Variants in ADGRL1 observed in about 807,000 individuals in gnomAD.
ADGRL1 encodes adhesion G protein-coupled receptor L1.
A neutral mutation model predicts 148.9 loss-of-function variants in ADGRL1; 31 were observed. The ratio of observed to expected loss-of-function variants is 0.21; its 90% CI spans 0.16 to 0.28. The LOEUF (loss-of-function observed/expected upper bound fraction) is 0.28. ADGRL1 is among the 10% of genes least tolerant of loss of function. The pLI, the probability that ADGRL1 is intolerant of heterozygous loss-of-function variation, is 1.00. For synonymous variants in ADGRL1, 937 were observed against 900.3 expected (o/e 1.04, Z -0.73); for missense variants, 1,521 against 2,058.8 (o/e 0.74, Z 5.05).
In ADGRL1 at chr19:14,159,377, G is replaced by T. The variant is rs920015580; in HGVS notation, c.2023+24C>A. ...TGGTTTAAGGTTCGTATCTGAGTTT[G>T]CCCTGGGTGACTGTGGCACTCACCC... is the stretch of plus-strand genomic sequence containing the variant. On this transcript the variant is annotated intron_variant, in intron 10 of 22. Transcript: ENST00000361434. The surrounding 1 kb of genome is among the most constrained non-coding windows in gnomAD (Gnocchi z 6.0). The T allele has an allele frequency of 1.9e-6, 3 of 1,591,744 alleles. No homozygotes were observed. Among genetic ancestry groups the T allele is most frequent in the Non-Finnish European group, 2.6e-6 (3 of 1,165,452 alleles).
chr19:14,167,108 G>C, intron 4 of ADGRL1: 1 of 1,267,108 alleles, frequency 7.9e-7, no homozygotes, highest in African/African-American at 1.5e-5. Flanking sequence ...AAAAAAAAGA[G>C]ATTAAATTGC....
At position 14,158,436 on chromosome 19, in the gene ADGRL1, G is replaced by C. The variant is rs764177912; in HGVS notation, c.2266C>G (p.Leu756Val). ...AGPGGPGGAS[L>V]VVNSQVIAAS... ...GCGATGACCTGTGAGTTCACCACTA[G>C]AGAGGCGCCCCCAGGGCCACCCGGG... Residue 756 changes from leucine (L) to valine (V), a missense_variant, in exon 12 of 23, where the codon CTA becomes GTA. Leu to Val is a conservative substitution (Grantham distance 32, BLOSUM62 1). Transcript: ENST00000361434. 3 of 1,613,824 alleles carry C rather than the reference G, an allele frequency of 1.9e-6. No homozygotes were observed. The highest frequency in any genetic ancestry group is 1.7e-5 in the Admixed American group (1 of 60,026).
chr19:14,186,565 C>G (rs1462610345), intron 1 of ADGRL1, among the ~76,000 whole-genome samples: 1 of 152,126 alleles, frequency 6.6e-6, no homozygotes, highest in East Asian at 1.9e-4. Context: ...AGCACAGCAC[C>G]CAGGCCCATG....
chr19:14,189,215 T>C (rs1971777591), intron 1 of ADGRL1, among the ~76,000 whole-genome samples: 4 of 135,076 alleles, frequency 3.0e-5, no homozygotes, highest in Admixed American at 3.0e-4. Context: ...CTATGTGGCC[T>C]TTTTTTTTTT....
intron 1 of ADGRL1, among the ~76,000 whole-genome samples, chr19:14,184,638 A>ATTTT (rs1293975046): frequency 0.025 from 2,978 of 120,666 alleles, 111 homozygotes; most frequent in East Asian, 0.036. Flanking sequence ...TTATTTATTT[A>ATTTT]TTTATTTATT....
chr19:14,162,910 A>G lies in ADGRL1; in HGVS notation c.891T>C (p.Phe297=). The G allele has an allele frequency of 6.2e-7, 1 of 1,613,664 alleles. No individual in the cohort carries two copies. The change falls in exon 5 of 23, where the codon TTT becomes TTC. Residue 297 remains phenylalanine, a synonymous_variant. Coordinates refer to ENST00000361434, the MANE Select transcript of ADGRL1 (RefSeq NM_014921.5). The surrounding 1 kb of genome is among the most constrained non-coding windows in gnomAD (Gnocchi z 5.4). ...CGTAACCCGTCTCCCACGTGCCCTC[A>G]AAGCGCAGTGTGTAGGGGTTCAGCT... is the stretch of plus-strand genomic sequence containing the variant. ...VSQLNPYTLR[F]EGTWETGYDK...
At position 14,191,347 on chromosome 19, in the gene ADGRL1, C is replaced by T. The variant is rs148937570; in HGVS notation, c.-95-7650G>A. 1,328 of 456,698 alleles carry T rather than the reference C, an allele frequency of 2.9e-3. 10 individuals carry two copies. Among genetic ancestry groups the T allele is most frequent in the African/African-American group, 0.024 (1,225 of 50,182 alleles). The allele number at this position is 456,698 out of a possible 1,614,324, so 28.3% of individuals were successfully genotyped here. A position where few individuals can be genotyped will look rare whatever the true frequency, so the allele number is the denominator to read the frequency against. Reference sequence around the variant, plus strand: ...CTTGCCATGCTGTGACCTCTTGTGTCTCTGTTTTCTTCTTGGTAAAACGGG... The same window carrying T: ...CTTGCCATGCTGTGACCTCTTGTGTTTCTGTTTTCTTCTTGGTAAAACGGG... On this transcript the variant is annotated intron_variant, in intron 1 of 22. Transcript: ENST00000361434.
chr19:14,198,794 C>G (rs1256539670), intron 1 of ADGRL1, among the ~76,000 whole-genome samples: 1 of 152,202 alleles, frequency 6.6e-6, no homozygotes, highest in Admixed American at 6.5e-5. Context: ...CCCTCCTCCC[C>G]CTCCAGGTTG....
In ADGRL1 at chr19:14,159,693, C is replaced by G; in HGVS notation, c.1839+42G>C. ...CCTCCACCCCTAATCCCCCCATCAG[C>G]TGGAGCCCACGGTCCTTACACTGGG... On this transcript the variant is annotated intron_variant, in intron 9 of 22. Transcript: ENST00000361434. The surrounding 1 kb of genome is among the most constrained non-coding windows in gnomAD (Gnocchi z 6.0). 11 of 1,609,030 alleles carry G rather than the reference C, an allele frequency of 6.8e-6. No homozygotes were observed. Among genetic ancestry groups the G allele is most frequent in the Non-Finnish European group, 9.4e-6 (11 of 1,175,698 alleles).
rs200244929 is a variant in ADGRL1, at chr19:14,152,543, A to G, written c.3494T>C (p.Ile1165Thr). 216 of 1,613,856 alleles carry G rather than the reference A, an allele frequency of 1.3e-4. 2 individuals carry two copies. Among genetic ancestry groups the G allele is most frequent in the Non-Finnish European group, 7.6e-6 (9 of 1,179,948 alleles). The stretch of plus-strand genomic sequence containing the variant: ...TCGGTTCAGGGTGGGGGTGCTGTTG[A>G]TGTCACCCGCCATGAAGGAGGACTC... ...QTESSFMAGD[I>T]NSTPTLNRGT... The change falls in exon 20 of 23, where the codon ATC (isoleucine) becomes ACC (threonine). Residue 1165 changes from isoleucine (I) to threonine (T), a missense_variant. Ile to Thr is a moderately conservative substitution (Grantham distance 89, BLOSUM62 -1). Coordinates refer to ENST00000361434, the MANE Select transcript of ADGRL1 (RefSeq NM_014921.5). This position sits in a 1 kb window ranked among gnomAD's most constrained non-coding sequence, Gnocchi z 6.1.
In ADGRL1 at chr19:14,183,617, G is replaced by A. The variant is rs1415706842; in HGVS notation, c.-15C>T. On this transcript the variant is annotated 5_prime_UTR_variant, in exon 2 of 23. Coordinates refer to ENST00000361434, the MANE Select transcript of ADGRL1 (RefSeq NM_014921.5). ...AGGCGGGCCATGGTGGCAGCCGGGT[G>A]CGTGTCCGGAGCTCTCAGTGGCCTG... 1 of 1,563,234 alleles carries A rather than the reference G, an allele frequency of 6.4e-7. No homozygotes were observed. The highest frequency in any genetic ancestry group is 8.7e-7 in the Non-Finnish European group (1 of 1,153,334).
chr19:14,154,328 G>A (rs1460142436), intron 18 of ADGRL1, among the ~76,000 whole-genome samples: 1 of 152,166 alleles, frequency 6.6e-6, no homozygotes, highest in East Asian at 1.9e-4. Flanking sequence ...AAGTCCAACA[G>A]CAGTCTCCAT....
intron 1 of ADGRL1, among the ~76,000 whole-genome samples, chr19:14,193,271 CAAAAAAAAA>C (rs34844517): frequency 4.3e-4 from 21 of 48,624 alleles, no homozygotes; most frequent in Non-Finnish European, 7.1e-4. Context: ...CCCCCACCGC[CAAAAAAAAA>C]AAAAAAAAAA....
intron 1 of ADGRL1, among the ~76,000 whole-genome samples, chr19:14,198,248 A>G (rs1972389722): frequency 6.6e-6 from 1 of 152,106 alleles, no homozygotes; most frequent in African/African-American, 2.4e-5. Context: ...GGTGGGAGCC[A>G]TCGGGAATCC....
chr19:14,159,600 G>A lies in ADGRL1; in HGVS notation c.1840-16C>T, dbSNP rs1382547271. 1.9e-6 allele frequency: 3 copies of A among 1,593,236 alleles called. No homozygotes were observed. Among genetic ancestry groups the A allele is most frequent in the Admixed American group, 3.4e-5 (2 of 59,362 alleles). On this transcript the variant is annotated splice_polypyrimidine_tract_variant and intron_variant, in intron 9 of 22. Transcript: ENST00000361434. This position sits in a 1 kb window ranked among gnomAD's most constrained non-coding sequence, Gnocchi z 6.0. ...CCACCACGGCCTGCACAGGCAGAGGGCATGGTGCTGTGAGCCCCCCAACAC... is the reference window on the plus strand; with the variant it reads ...CCACCACGGCCTGCACAGGCAGAGGACATGGTGCTGTGAGCCCCCCAACAC...
chr19:14,163,499 G>GAGAGAGAGAGAGAGAGAGAGA (rs1969649379), intron 4 of ADGRL1, 93 bp from the exon 5 acceptor site: 1 of 739,276 alleles, frequency 1.4e-6, no homozygotes, highest in African/African-American at 2.3e-5. Flanking sequence ...AGAGAGAGAG[G>GAGAGAGAGAGAGAGAGAGAGA]GGGGAGAGAG....
intron 1 of ADGRL1, among the ~76,000 whole-genome samples, chr19:14,193,581 C>G (rs1361893034): frequency 7.9e-5 from 12 of 151,942 alleles, no homozygotes; most frequent in Admixed American, 7.2e-4. Flanking sequence ...AGTGGGACCC[C>G]ATGTCAAAAA....
chr19:14,179,296 C>G (rs1053202995), intron 2 of ADGRL1, among the ~76,000 whole-genome samples: 1 of 151,860 alleles, frequency 6.6e-6, no homozygotes, highest in East Asian at 1.9e-4. Context: ...TGATTGAGAC[C>G]ATCCTGGCTA....
chr19:14,151,723 T>A, intron 22 of ADGRL1, 108 bp from the exon 23 acceptor site: 1 of 1,128,418 alleles, frequency 8.9e-7, no homozygotes. Context: ...TCCTGCTGGT[T>A]TTCCGTAGGC....
Sources: gnomAD v4.1 joint callset for allele counts (sites outside exome capture counted in the v4.1 genomes callset) on GRCh38, gnomAD v4.1.1 for gene constraint, Gnocchi (gnomAD v3.1) non-coding constraint, MANE v1.5 for transcripts, NCBI Gene and HGNC (gene_info 2026-07-23, HGNC 2026-07-21) for gene names.